HABP4: variants seen among roughly 807,000 people sequenced by gnomAD.
HABP4 encodes the protein hyaluronan binding protein 4.
A neutral mutation model predicts 44.1 loss-of-function variants in HABP4; 32 were observed. That is an observed-to-expected ratio of 0.73 (90% CI 0.55 to 0.97). HABP4 has a LOEUF of 0.97. Ranked by LOEUF, HABP4 falls within the 50% of genes least tolerant of loss-of-function variation. HABP4 has a pLI of 0.00. For missense variants in HABP4, 503 were observed against 561.9 expected (o/e 0.90, Z 1.06); for synonymous variants, 216 against 218.0 (o/e 0.99, Z 0.08).
intron 2 of HABP4, among the ~76,000 whole-genome samples, chr9:96,462,416 A>C (rs1412243578): frequency 6.6e-6 from 1 of 151,512 alleles, no homozygotes; most frequent in Non-Finnish European, 1.5e-5. Context: ...GTGCCACGTC[A>C]CTCCAGCCTG....
intron 1 of HABP4, among the ~76,000 whole-genome samples, chr9:96,452,226 CAA>C (rs74398822): frequency 1.5e-3 from 162 of 109,206 alleles, no homozygotes; most frequent in Middle Eastern, 8.9e-3. Context: ...GACTCCGTCA[CAA>C]AAAAAAAAAA....
intron 2 of HABP4, among the ~76,000 whole-genome samples, chr9:96,462,897 G>C (rs1325109805): frequency 1.3e-5 from 2 of 152,052 alleles, no homozygotes; most frequent in African/African-American, 4.8e-5. Context: ...ACTCCAGCTT[G>C]GGCAACAGAG....
At chr9:96,453,737 A>G (rs1832327025) in intron 1 of HABP4, among the ~76,000 whole-genome samples, 1 of 152,206 alleles carries the variant, frequency 6.6e-6, no homozygotes, top group Non-Finnish European at 1.5e-5. Flanking sequence ...GGCTTGGTTT[A>G]GATGATGATG....
At chr9:96,482,793 C>T (rs1832901687) in intron 5 of HABP4, among the ~76,000 whole-genome samples, 1 of 152,066 alleles carries the variant, frequency 6.6e-6, no homozygotes, top group Non-Finnish European at 1.5e-5. Flanking sequence ...ATCATTTTTT[C>T]AAGGTTTGTT....
At chr9:96,451,473 C>T (rs922255107) in intron 1 of HABP4, 5 of 984,884 alleles carry the variant, frequency 5.1e-6, no homozygotes, top group Non-Finnish European at 6.0e-6. Flanking sequence ...TGAAATGAGG[C>T]AGCGGTCCCA....
At chr9:96,454,652 G>A (rs560125234) in intron 1 of HABP4, among the ~76,000 whole-genome samples, 35 of 152,062 alleles carry the variant, frequency 2.3e-4, no homozygotes, top group Admixed American at 8.5e-4. Flanking sequence ...GGTTCACCGC[G>A]TCAGCCAGGA....
At chr9:96,454,652 G>C (rs560125234) in intron 1 of HABP4, among the ~76,000 whole-genome samples, 1 of 151,946 alleles carries the variant, frequency 6.6e-6, no homozygotes, top group Non-Finnish European at 1.5e-5. Context: ...GGTTCACCGC[G>C]TCAGCCAGGA....
At chr9:96,458,685 G>A (rs1296418710) in intron 2 of HABP4, 144 bp downstream of exon 2, 4 of 576,878 alleles carry the variant, frequency 6.9e-6, no homozygotes, top group African/African-American at 5.8e-5. Context: ...GTGCAATGGT[G>A]CGATCTCGGC....
At chr9:96,482,633 G>A (rs1490745009) in intron 5 of HABP4, among the ~76,000 whole-genome samples, 1 of 152,108 alleles carries the variant, frequency 6.6e-6, no homozygotes, top group African/African-American at 2.4e-5. Context: ...GAAACCCCAT[G>A]CCCATTCAGC....
In HABP4 at chr9:96,465,341, G is replaced by C; in HGVS notation, c.517G>C (p.Gly173Arg). The change falls in exon 3 of 8, where the codon GGT (glycine) becomes CGT (arginine). Residue 173 changes from glycine to arginine, a missense_variant. This residue lies in a region of HABP4 where 290 missense variants were observed against 300.5 expected (regional missense o/e 0.97). Transcript: ENST00000375249. ...TAEKFPDEKP[G>R]DRFDRDRPLR... is the part of the protein sequence containing the mutation. ...ATTATATCCACTCCTTCCTAGACCA[G>C]GTGATAGGTTTGATCGAGACAGACC... is the stretch of plus-strand genomic sequence containing the variant. 6.2e-7 allele frequency: 1 copy of C among 1,604,880 alleles called. No individual in the cohort carries two copies. Among genetic ancestry groups the C allele is most frequent in the African/African-American group, 1.3e-5 (1 of 74,798 alleles).
Position 96,450,681 on chromosome 9 carries a change from G to A in HABP4, c.349+53G>A. The A allele has an allele frequency of 8.2e-7, 1 of 1,213,958 alleles. No individual in the cohort carries two copies. The highest frequency in any genetic ancestry group is 1.0e-6 in the Non-Finnish European group (1 of 972,176). 75.2% of individuals were successfully genotyped at this position (1,213,958 alleles called of 1,614,324 possible). A position where few individuals can be genotyped will look rare whatever the true frequency, so the allele number is the denominator to read the frequency against. On this transcript the variant is annotated intron_variant, in intron 1 of 7. Coordinates refer to ENST00000375249, the MANE Select transcript of HABP4 (RefSeq NM_014282.4). The surrounding 1 kb of genome is among the most constrained non-coding windows in gnomAD (Gnocchi z 4.8). ...CCACGGCTCGGCCCGCTGTGAGACT[G>A]GGGTCCCGGGGGCCGGTTTCAGGAG... is the stretch of plus-strand genomic sequence containing the variant.
intron 5 of HABP4, among the ~76,000 whole-genome samples, chr9:96,478,382 C>T (rs1310337412): frequency 2.0e-5 from 3 of 152,274 alleles, no homozygotes; most frequent in East Asian, 1.9e-4. Flanking sequence ...TCGCCCTCCT[C>T]GGCCTCCCAA....
At chr9:96,482,140 G>A (rs564252541) in intron 5 of HABP4, among the ~76,000 whole-genome samples, 5 of 151,940 alleles carry the variant, frequency 3.3e-5, no homozygotes, top group South Asian at 2.1e-4. Flanking sequence ...GGGTTTCACC[G>A]TATTGGCCAG....
intron 6 of HABP4, among the ~76,000 whole-genome samples, chr9:96,485,541 C>T (rs1446910165): frequency 6.6e-6 from 1 of 152,190 alleles, no homozygotes; most frequent in African/African-American, 2.4e-5. Flanking sequence ...TCAGGGAGCT[C>T]CTCCGTGTTG....
At chr9:96,486,795 G>T (rs980689680) in intron 6 of HABP4, among the ~76,000 whole-genome samples, 1 of 152,022 alleles carries the variant, frequency 6.6e-6, no homozygotes, top group Non-Finnish European at 1.5e-5. Flanking sequence ...GTAAGGCACT[G>T]GGCGGTGAAA....
chr9:96,454,802 C>G (rs1023418840), intron 1 of HABP4, among the ~76,000 whole-genome samples: 9 of 152,240 alleles, frequency 5.9e-5, no homozygotes, highest in Admixed American at 2.0e-4. Context: ...TTGCACACTC[C>G]TAGGCAACCG....
chr9:96,454,221 A>G (rs140999866), intron 1 of HABP4, among the ~76,000 whole-genome samples: 1 of 152,172 alleles, frequency 6.6e-6, no homozygotes, highest in African/African-American at 2.4e-5. Context: ...AGTGGAGATA[A>G]TAAAAGATGT....
chr9:96,488,390 A>G lies in HABP4; in HGVS notation c.1185+116A>G. On this transcript the variant is annotated intron_variant, in intron 7 of 7. Transcript: ENST00000375249. The surrounding 1 kb of genome is among the most constrained non-coding windows in gnomAD (Gnocchi z 4.6). The stretch of plus-strand genomic sequence containing the variant: ...TCTGCAGTCACTTCTTTCTGTAGCT[A>G]GTGTGGGACTGATGTTGGGGCATTT... 1.5e-6 allele frequency: 1 copy of G among 662,154 alleles called. No individual in the cohort carries two copies. Among genetic ancestry groups the G allele is most frequent in the South Asian group, 2.0e-5 (1 of 49,962 alleles). The allele number at this position is 662,154 out of a possible 1,614,324, so 41.0% of individuals were successfully genotyped here.
At position 96,452,553 on chromosome 9, in the gene HABP4, C is replaced by G. The variant is rs10991223; in HGVS notation, c.349+1925C>G. Among the ~76,000 whole-genome samples, 1,278 of 152,050 alleles carry G rather than the reference C, an allele frequency of 8.4e-3. 11 individuals carry two copies. The highest frequency in any genetic ancestry group is 0.014 in the Non-Finnish European group (968 of 67,984). On this transcript the variant is annotated intron_variant, in intron 1 of 7. Transcript: ENST00000375249. ...CTGTCAGTTGTTAGGTCTAAGTGAT[C>G]TGGCTTTTGAAATCAACTAAAGGTA...
Sources: gnomAD v4.1 joint callset for allele counts (sites outside exome capture counted in the v4.1 genomes callset) on GRCh38, gnomAD v4.1.1 for gene constraint, gnomAD v4.1.1 regional missense constraint, Gnocchi (gnomAD v3.1) non-coding constraint, MANE v1.5 for transcripts, NCBI Gene and HGNC (gene_info 2026-07-23, HGNC 2026-07-21) for gene names.